The following PCDHA6 variants were observed in gnomAD, a reference collection of about 807,000 sequenced individuals.
The protein encoded by PCDHA6 is protocadherin alpha-6.
In PCDHA6, 55 loss-of-function variants were observed where a neutral mutation model predicts 60.3. That is an observed-to-expected ratio of 0.91 (90% CI 0.73 to 1.14). The LOEUF (loss-of-function observed/expected upper bound fraction) is 1.14. Ranked by LOEUF, PCDHA6 falls within the 50% of genes most tolerant of loss-of-function variation. PCDHA6 has a pLI of 0.00. For synonymous variants in PCDHA6, 652 were observed against 557.9 expected, an observed-to-expected ratio of 1.17 and a Z score of -2.38; for missense variants, 1,327 against 1,256.5, an observed-to-expected ratio of 1.06 and a Z score of -0.85.
intron 1 of PCDHA6, among the ~76,000 whole-genome samples, chr5:140,908,701 C>A (rs2074102440): frequency 6.6e-6 from 1 of 152,218 alleles, no homozygotes; most frequent in Admixed American, 6.5e-5. Context: ...ACACCTCAAG[C>A]ACCATTGGAT....
intron 1 of PCDHA6, among the ~76,000 whole-genome samples, chr5:140,918,972 A>G (rs782748846): frequency 6.6e-5 from 10 of 152,184 alleles, no homozygotes; most frequent in Non-Finnish European, 1.3e-4. Flanking sequence ...GATATCGTTT[A>G]GGTTAGTTGG....
intron 1 of PCDHA6, among the ~76,000 whole-genome samples, chr5:140,908,700 G>A (rs1357815625): frequency 6.6e-6 from 1 of 152,184 alleles, no homozygotes; most frequent in Non-Finnish European, 1.5e-5. Flanking sequence ...GACACCTCAA[G>A]CACCATTGGA....
At chr5:140,835,406 G>A (rs1773617181) in intron 1 of PCDHA6, 1 of 1,613,856 alleles carries the variant, frequency 6.2e-7, no homozygotes, top group African/African-American at 1.3e-5. Context: ...TGGAAGTTGT[G>A]GATGTAAATG....
intron 1 of PCDHA6, among the ~76,000 whole-genome samples, chr5:140,831,943 A>G (rs2150198508): frequency 2.0e-5 from 3 of 152,236 alleles, no homozygotes; most frequent in Non-Finnish European, 4.4e-5. Context: ...CCGAAGAGGA[A>G]AAGAAAAACT....
chr5:140,830,504 T>C lies in PCDHA6; in HGVS notation c.2394+19T>C. The C allele has an allele frequency of 1.4e-6, 2 of 1,433,114 alleles. No individual in the cohort carries two copies. Among genetic ancestry groups the C allele is most frequent in the Non-Finnish European group, 1.9e-6 (2 of 1,074,182 alleles). 88.8% of individuals were successfully genotyped at this position (1,433,114 alleles called of 1,614,324 possible). A position where few individuals can be genotyped will look rare whatever the true frequency, so the allele number is the denominator to read the frequency against. ...TGCCAAAGTAAGTGAATTTTCATAA[T>C]TAACAGTTAATTTTTATTTTAAATT... On this transcript the variant is annotated intron_variant, in intron 1 of 3. Coordinates refer to ENST00000529310, the MANE Select transcript of PCDHA6 (RefSeq NM_018909.4).
At chr5:140,942,863 T>A (rs1223265899) in intron 1 of PCDHA6, among the ~76,000 whole-genome samples, 2 of 152,126 alleles carry the variant, frequency 1.3e-5, no homozygotes, top group Non-Finnish European at 2.9e-5. Context: ...TTATTTTGCT[T>A]TAGCATGACA....
At chr5:140,852,398 C>T (rs150537989) in intron 1 of PCDHA6, 9,331 of 183,690 alleles carry the variant, frequency 0.051, 796 homozygotes, top group Middle Eastern at 0.071. Context: ...CTGCCTCAGC[C>T]TCCTGAGTAG....
chr5:140,882,466 G>A (rs782656797), intron 1 of PCDHA6: 1 of 1,614,028 alleles, frequency 6.2e-7, no homozygotes, highest in South Asian at 1.1e-5. Flanking sequence ...TGTTCCGGGT[G>A]GCGTCCAAAA....
At chr5:140,927,183 C>T (rs1554204140) in intron 1 of PCDHA6, 12 of 1,614,160 alleles carry the variant, frequency 7.4e-6, no homozygotes, top group Non-Finnish European at 1.0e-5. Context: ...TCTTGACCTA[C>T]GACCTGGTGC....
At chr5:140,841,119 T>C (rs2150311398) in intron 1 of PCDHA6, 1 of 628,942 alleles carries the variant, frequency 1.6e-6, no homozygotes, top group African/African-American at 1.8e-5. Context: ...ATTCATGTAA[T>C]CATTACCTTT....
At chr5:140,999,837 A>G (rs2097878885) in intron 3 of PCDHA6, among the ~76,000 whole-genome samples, 2 of 152,206 alleles carry the variant, frequency 1.3e-5, no homozygotes, top group South Asian at 2.1e-4. Flanking sequence ...AAATATGCCA[A>G]GTGTATTTAT....
intron 1 of PCDHA6, chr5:140,883,325 A>C: frequency 6.2e-7 from 1 of 1,614,118 alleles, no homozygotes; most frequent in Non-Finnish European, 8.5e-7. Context: ...GGTTACCATC[A>C]CTTCTTTGTC....
intron 1 of PCDHA6, among the ~76,000 whole-genome samples, chr5:140,917,334 G>A (rs1466426021): frequency 1.4e-5 from 2 of 147,744 alleles, no homozygotes; most frequent in Admixed American, 1.4e-4. Flanking sequence ...CGGGGGAGGG[G>A]GGGGATGGTG....
At chr5:140,863,008 T>A (rs782045594) in intron 1 of PCDHA6, 1 of 551,826 alleles carries the variant, frequency 1.8e-6, no homozygotes, top group Non-Finnish European at 3.6e-6. Context: ...ACTCCAGCTA[T>A]GACGCCTGGT....
At chr5:140,882,698 G>T in intron 1 of PCDHA6, 1 of 1,614,200 alleles carries the variant, frequency 6.2e-7, no homozygotes, top group Non-Finnish European at 8.5e-7. Context: ...AATCATTGCA[G>T]AATCTAGACC....
chr5:140,960,597 C>T (rs1315375637), intron 1 of PCDHA6, among the ~76,000 whole-genome samples: 1 of 152,092 alleles, frequency 6.6e-6, no homozygotes, highest in South Asian at 2.1e-4. Context: ...ATTCAAGGTA[C>T]TTCAACAATA....
intron 1 of PCDHA6, chr5:140,869,898 C>T (rs782158709): frequency 6.2e-7 from 1 of 1,610,356 alleles, no homozygotes; most frequent in Non-Finnish European, 8.5e-7. Flanking sequence ...TCAAACTAAA[C>T]GCCACAGACC....
chr5:140,928,280 C>A, intron 1 of PCDHA6: 1 of 1,614,194 alleles, frequency 6.2e-7, no homozygotes, highest in Non-Finnish European at 8.5e-7. Context: ...CCTGGGGCCT[C>A]TCTAGGCCGA....
At chr5:140,994,214 G>A (rs2153923643) in intron 3 of PCDHA6, among the ~76,000 whole-genome samples, 1 of 152,296 alleles carries the variant, frequency 6.6e-6, no homozygotes, top group South Asian at 2.1e-4. Flanking sequence ...ATGGGACCCA[G>A]GGTCTGTCTA....
Sources: allele counts gnomAD v4.1 joint callset (sites outside exome capture counted in the v4.1 genomes callset), GRCh38; gene constraint gnomAD v4.1.1; transcripts MANE v1.5; gene names NCBI Gene and HGNC (gene_info 2026-07-23, HGNC 2026-07-21).